The following PCDHGA6 variants were observed in gnomAD, a reference collection of about 807,000 sequenced individuals.
PCDHGA6 encodes protocadherin gamma subfamily A, 6.
PCDHGA6 carries 41 observed loss-of-function variants against 60.6 expected under a neutral mutation model. That is an observed-to-expected ratio of 0.68 (90% CI 0.53 to 0.88). PCDHGA6 has a LOEUF of 0.88. PCDHGA6 is among the 40% of genes least tolerant of loss of function. The pLI is 0.00. For synonymous variants in PCDHGA6, 594 were observed against 524.4 expected (o/e 1.13, Z -1.81); for missense variants, 1,312 against 1,203.0 (o/e 1.09, Z -1.34).
At chr5:141,465,494 G>C (rs2099104306) in intron 1 of PCDHGA6, among the ~76,000 whole-genome samples, 1 of 152,204 alleles carries the variant, frequency 6.6e-6, no homozygotes, top group African/African-American at 2.4e-5. Context: ...ATGAGCGGGA[G>C]CATTGTCGTG....
rs2099745664 is a variant in PCDHGA6 at position 141,493,015 on chromosome 5, T to A, written c.2425-1792T>A. Among the ~76,000 whole-genome samples, 1 of 152,238 alleles carries A rather than the reference T, an allele frequency of 6.6e-6. No homozygotes were observed. The highest frequency in any genetic ancestry group is 1.5e-5 in the Non-Finnish European group (1 of 68,040). ...ATGGAAAGCTATAGGCTCTGCCAGA[T>A]GCCAGGGTGCCCTTATGTGTGAGGA... On this transcript the variant is annotated intron_variant, in intron 1 of 3. Transcript: ENST00000517434. The surrounding 1 kb of genome is among the most constrained non-coding windows in gnomAD (Gnocchi z 4.3).
intron 1 of PCDHGA6, chr5:141,389,021 A>G: frequency 6.2e-7 from 1 of 1,614,004 alleles, no homozygotes; most frequent in Non-Finnish European, 8.5e-7. Context: ...ACAATGGAGA[A>G]GTGACTTGTA....
Position 141,491,739 on chromosome 5 carries a change from C to T in PCDHGA6, c.2425-3068C>T. ...CGCCGCCCCGGGCGACCCCTGGGGG[C>T]GGCACTGGAGAAGCCGCCCGTCCTC... On this transcript the variant is annotated intron_variant, in intron 1 of 3. Transcript: ENST00000517434. This position sits in a 1 kb window ranked among gnomAD's most constrained non-coding sequence, Gnocchi z 6.9. The T allele has an allele frequency of 1.3e-6, 2 of 1,599,004 alleles. No individual in the cohort carries two copies. Among genetic ancestry groups the T allele is most frequent in the East Asian group, 2.3e-5 (1 of 44,194 alleles).
intron 1 of PCDHGA6, among the ~76,000 whole-genome samples, chr5:141,460,763 T>A (rs904048213): frequency 4.6e-5 from 7 of 152,170 alleles, no homozygotes; most frequent in Admixed American, 1.3e-4. Context: ...ATATACATAT[T>A]GCATATGTAT....
intron 1 of PCDHGA6, chr5:141,382,848 A>G (rs543706507): frequency 5.5e-4 from 813 of 1,490,648 alleles, no homozygotes; most frequent in Non-Finnish European, 6.7e-4. Flanking sequence ...ATACACCCGC[A>G]TTCTGAAGCA....
rs776219135 is a variant in PCDHGA6, at chr5:141,403,980, A to G, written c.2424+27473A>G. ...ATTTCGGTGGAAGATGTAAATGACA[A>G]TAGACCTGAAGTGACCATTACATCT... On this transcript the variant is annotated intron_variant, in intron 1 of 3. Coordinates refer to ENST00000517434, the MANE Select transcript of PCDHGA6 (RefSeq NM_018919.3). The G allele has an allele frequency of 5.0e-6, 8 of 1,613,890 alleles. No homozygotes were observed. In the South Asian group the frequency reaches 8.8e-5, roughly 18 times the overall value.
At chr5:141,417,700 A>G in intron 1 of PCDHGA6, 1 of 1,180,094 alleles carries the variant, frequency 8.5e-7, no homozygotes, top group Admixed American at 3.0e-5. Flanking sequence ...ACCAGCTCCC[A>G]CACAGAGGCT....
At chr5:141,389,426 G>C (rs868246317) in intron 1 of PCDHGA6, 1 of 1,613,498 alleles carries the variant, frequency 6.2e-7, no homozygotes, top group Non-Finnish European at 8.5e-7. Context: ...TGGTGTTCGC[G>C]CAGCGCGCCT....
intron 1 of PCDHGA6, chr5:141,395,454 C>T (rs75588357): frequency 0.043 from 25,805 of 605,332 alleles, 669 homozygotes; most frequent in South Asian, 0.075. Flanking sequence ...ATTGTTCAAC[C>T]ATTTTAAGCC....
At chr5:141,385,309 C>G (rs774342510) in intron 1 of PCDHGA6, 1 of 1,612,276 alleles carries the variant, frequency 6.2e-7, no homozygotes, top group South Asian at 1.1e-5. Flanking sequence ...TAAAGAAAAC[C>G]TGCCAAGTAT....
chr5:141,501,453 C>T (rs567794395), intron 2 of PCDHGA6, among the ~76,000 whole-genome samples: 1 of 152,094 alleles, frequency 6.6e-6, no homozygotes, highest in Non-Finnish European at 1.5e-5. Flanking sequence ...TTTTACTTTT[C>T]ACTATTCCCC....
chr5:141,374,167 A>G lies in PCDHGA6; in HGVS notation c.84A>G (p.Ala28=), dbSNP rs1320540619. Residue 28 remains alanine (A), a synonymous_variant, in exon 1 of 4, where the codon GCA becomes GCG. Transcript: ENST00000517434. ...TLLGTLWGAA[A]AQIRYSIPEE... ...TGGGGACGCTGTGGGGGGCCGCGGC[A>G]GCGCAGATCCGCTACTCTATTCCCG... is the stretch of plus-strand genomic sequence containing the variant. 3 of 1,613,124 alleles carry G rather than the reference A, an allele frequency of 1.9e-6. No homozygotes were observed. Among genetic ancestry groups the G allele is most frequent in the Non-Finnish European group, 2.5e-6 (3 of 1,179,520 alleles).
In PCDHGA6 at chr5:141,489,523, C is replaced by CT. The variant is rs1379784656; in HGVS notation, c.2425-5283dup. On this transcript the variant is annotated intron_variant, in intron 1 of 3. Coordinates refer to ENST00000517434, the MANE Select transcript of PCDHGA6 (RefSeq NM_018919.3). The surrounding 1 kb of genome is among the most constrained non-coding windows in gnomAD (Gnocchi z 4.5). ...GAATCAAAAGATTGACCGAGAAAGC[C>CT]TATGTGGAGCCAGCACCAGCTGCCT... 1 of 1,614,006 alleles carries CT rather than the reference C, an allele frequency of 6.2e-7. No homozygotes were observed. Among genetic ancestry groups the CT allele is most frequent in the Non-Finnish European group, 8.5e-7 (1 of 1,180,044 alleles).
chr5:141,398,476 T>C (rs756685671), intron 1 of PCDHGA6: 1 of 1,607,694 alleles, frequency 6.2e-7, no homozygotes. Flanking sequence ...ACTGAACTTT[T>C]ATCACGTGAA....
intron 1 of PCDHGA6, chr5:141,413,855 C>A: frequency 3.7e-6 from 6 of 1,613,324 alleles, no homozygotes; most frequent in Non-Finnish European, 5.1e-6. Flanking sequence ...CCTCTCCGAT[C>A]TGGCACTGTC....
intron 1 of PCDHGA6, among the ~76,000 whole-genome samples, chr5:141,461,616 T>A (rs1399885412): frequency 6.6e-6 from 1 of 152,236 alleles, no homozygotes; most frequent in African/African-American, 2.4e-5. Context: ...CAAAGTATTT[T>A]CTAATACACC....
At chr5:141,388,594 A>G in intron 1 of PCDHGA6, 1 of 1,613,936 alleles carries the variant, frequency 6.2e-7, no homozygotes, top group Non-Finnish European at 8.5e-7. Context: ...GATGCCAATG[A>G]TAATGCTCCA....
intron 3 of PCDHGA6, 73 bp from the exon 4 acceptor site, chr5:141,510,874 G>C: frequency 6.2e-7 from 1 of 1,610,126 alleles, no homozygotes; most frequent in Non-Finnish European, 8.5e-7. Context: ...TTCATTAACT[G>C]CTGGGGATAT....
At position 141,398,826 on chromosome 5, in the gene PCDHGA6, C is replaced by T. The variant is rs755219133; in HGVS notation, c.2424+22319C>T. On this transcript the variant is annotated intron_variant, in intron 1 of 3. Coordinates refer to ENST00000517434, the MANE Select transcript of PCDHGA6 (RefSeq NM_018919.3). ...CCACTGAGCTCCGGATCCAGGTAACCGACGCCAATGATAATCCCCCGGTAT... is the reference window on the plus strand; with the variant it reads ...CCACTGAGCTCCGGATCCAGGTAACTGACGCCAATGATAATCCCCCGGTAT... 81 of 1,613,942 alleles carry T rather than the reference C, an allele frequency of 5.0e-5. 1 individual carries two copies. In the South Asian group the frequency reaches 7.7e-4, roughly 15 times the overall value.
Sources: gnomAD v4.1 joint callset for allele counts (sites outside exome capture counted in the v4.1 genomes callset) on GRCh38, gnomAD v4.1.1 for gene constraint, Gnocchi (gnomAD v3.1) non-coding constraint, MANE v1.5 for transcripts, NCBI Gene and HGNC (gene_info 2026-07-23, HGNC 2026-07-21) for gene names.